Variants in SYN1 observed in about 807,000 individuals in gnomAD.
The protein encoded by SYN1 is synapsin I.
Under a neutral mutation model 44.6 loss-of-function variants are expected in SYN1, and 8 were observed. That is an observed-to-expected ratio of 0.18 (90% CI 0.11 to 0.32). SYN1 has a LOEUF of 0.32. SYN1 is among the 10% of genes least tolerant of loss of function. SYN1 has a pLI of 1.00. For missense variants in SYN1, 451 were observed against 639.4 expected (o/e 0.71, Z 3.18); for synonymous variants, 275 against 280.1 (o/e 0.98, Z 0.18).
At chrX:47,578,245 C>G (rs914681301) in intron 5 of SYN1, among the ~76,000 whole-genome samples, 5 of 110,769 alleles carry the variant, frequency 4.5e-5, no homozygotes, top group African/African-American at 1.6e-4. Flanking sequence ...GGAACACACA[C>G]AACACAAAAG....
intron 5 of SYN1, among the ~76,000 whole-genome samples, chrX:47,592,299 C>G (rs750749934): frequency 4.4e-4 from 48 of 110,175 alleles, no homozygotes; most frequent in Admixed American, 6.9e-4. Flanking sequence ...AATCATGCCA[C>G]TGCACTCCGG....
rs895517774 is a variant in SYN1, at chrX:47,574,771, G to C, written c.1310C>G (p.Pro437Arg). The C allele has an allele frequency of 8.4e-7, 1 of 1,184,180 alleles. No homozygotes were observed. Among genetic ancestry groups the C allele is most frequent in the Non-Finnish European group, 1.1e-6 (1 of 881,224 alleles). Residue 437 changes from proline (P) to arginine (R), a missense_variant, in exon 11 of 13, where the codon CCG becomes CGG. Around this residue, in one of 3 missense-constraint regions of SYN1, gnomAD observed 315 missense variants for 451.4 expected, o/e 0.70. Coordinates refer to ENST00000295987, the MANE Select transcript of SYN1 (RefSeq NM_006950.3). ...GCCCAAGGGCAGGGCCCCTGGGGAC[G>C]GAGTCTGCGGCAGAGGAATGGAGCA... is the stretch of plus-strand genomic sequence containing the variant. The part of the protein sequence containing the change: ...SPGRGSHGQT[P>R]SPGALPLGRQ...
intron 5 of SYN1, among the ~76,000 whole-genome samples, chrX:47,589,333 C>T (rs2147921271): frequency 9.5e-6 from 1 of 104,985 alleles, no homozygotes; most frequent in East Asian, 3.0e-4. Flanking sequence ...GTGGCTTACG[C>T]CTGTAATCCC....
intron 5 of SYN1, among the ~76,000 whole-genome samples, chrX:47,596,358 A>G (rs934348825): frequency 2.7e-5 from 3 of 112,864 alleles, no homozygotes; most frequent in Non-Finnish European, 3.7e-5. Context: ...TTATCAGTCC[A>G]TTATTAGGCT....
At chrX:47,574,624 A>G (rs1477103414) in intron 11 of SYN1, 34 bp from the exon 12 acceptor site, 4 of 1,120,075 alleles carry the variant, frequency 3.6e-6, no homozygotes, top group Admixed American at 5.4e-5. Flanking sequence ...AGCACACGTG[A>G]GAGTGAGCGG....
intron 5 of SYN1, among the ~76,000 whole-genome samples, chrX:47,580,506 C>CT (rs901197397): frequency 9.1e-6 from 1 of 109,509 alleles, no homozygotes; most frequent in Non-Finnish European, 1.9e-5. Flanking sequence ...TGGCGTGTGC[C>CT]TGTAACCCCA....
At chrX:47,610,911 A>G (rs1024866762) in intron 1 of SYN1, among the ~76,000 whole-genome samples, 1 of 111,418 alleles carries the variant, frequency 9.0e-6, no homozygotes, top group Non-Finnish European at 1.9e-5. Flanking sequence ...GATACACTCA[A>G]CTTATGAAAT....
At chrX:47,586,161 T>C in intron 5 of SYN1, 1 of 947,373 alleles carries the variant, frequency 1.1e-6, no homozygotes, top group Non-Finnish European at 1.3e-6. Context: ...CCAGTGACTA[T>C]CTTGAAGCCC....
rs1197131143 is a variant in SYN1, at chrX:47,619,645, C to A, written c.84G>T (p.Pro28=). 3 of 1,158,998 alleles carry A rather than the reference C, an allele frequency of 2.6e-6. No individual in the cohort carries two copies. Residue 28 remains proline, a synonymous_variant, in exon 1 of 13, where the codon CCG becomes CCT. Transcript: ENST00000295987. ...PNGYMTDLQR[P]QPPPPPPGAH... ...CACCGGGCGGCGGTGGGGGCGGCTGCGGACGCTGCAGGTCTGTCATGTACC... is the reference window on the plus strand; with the variant it reads ...CACCGGGCGGCGGTGGGGGCGGCTGAGGACGCTGCAGGTCTGTCATGTACC...
At chrX:47,586,633 G>A in intron 5 of SYN1, 1 of 1,211,782 alleles carries the variant, frequency 8.3e-7, no homozygotes, top group Non-Finnish European at 1.1e-6. Context: ...CACCTTGCCT[G>A]CCTGCCTCGG....
intron 1 of SYN1, among the ~76,000 whole-genome samples, chrX:47,611,008 C>T (rs997367590): frequency 9.0e-6 from 1 of 111,104 alleles, no homozygotes; most frequent in Non-Finnish European, 1.9e-5. Context: ...TGGCCCAGGT[C>T]CTGCTTACAG....
intron 5 of SYN1, chrX:47,586,452 G>A (rs1032375869): frequency 7.0e-5 from 82 of 1,170,712 alleles, no homozygotes; most frequent in Non-Finnish European, 8.5e-5. Context: ...GAAAGCTGAG[G>A]AGAGGAAGTT....
At position 47,572,305 on chromosome X, in the gene SYN1, G is replaced by A. The variant is rs2147911217; in HGVS notation, c.*559C>T. ...CCCAAGGTATTGAATGAGGTTGAGGGGAGCTGGTGAAGGGAAATCCTTGTG... is the reference window on the plus strand; with the variant it reads ...CCCAAGGTATTGAATGAGGTTGAGGAGAGCTGGTGAAGGGAAATCCTTGTG... On this transcript the variant is annotated 3_prime_UTR_variant, in exon 13 of 13. Coordinates refer to ENST00000295987, the MANE Select transcript of SYN1 (RefSeq NM_006950.3). 8.7e-6 allele frequency: 1 copy of A among 114,677 alleles called. No homozygotes were observed. The highest frequency in any genetic ancestry group is 8.9e-5 in the Admixed American group (1 of 11,204). The allele number at this position is 114,677 out of a possible 1,213,427, so 9.5% of individuals were successfully genotyped here.
chrX:47,593,043 T>C (rs112605001), intron 5 of SYN1, among the ~76,000 whole-genome samples: 6,372 of 107,994 alleles, frequency 0.059, 516 homozygotes, highest in African/African-American at 0.21. Flanking sequence ...TCTGGCTAAT[T>C]TTGTGTTTTT....
intron 5 of SYN1, among the ~76,000 whole-genome samples, chrX:47,598,117 C>T (rs2057869038): frequency 8.9e-6 from 1 of 112,129 alleles, no homozygotes; most frequent in Non-Finnish European, 1.9e-5. Context: ...AAGTTAACTA[C>T]ATAGGTAAAT....
intron 5 of SYN1, among the ~76,000 whole-genome samples, chrX:47,597,152 G>A (rs895180156): frequency 1.8e-5 from 2 of 109,746 alleles, no homozygotes; most frequent in African/African-American, 3.3e-5. Context: ...TGGCCAATAC[G>A]GTGAAACCCC....
chrX:47,619,747 G>C lies in SYN1; in HGVS notation c.-19C>G, dbSNP rs970890291. On this transcript the variant is annotated 5_prime_UTR_variant, in exon 1 of 13. Coordinates refer to ENST00000295987, the MANE Select transcript of SYN1 (RefSeq NM_006950.3). Reference sequence around the variant, plus strand: ...AGTTCATGGCTGCGACTTGGGGCAGGGGGTCCTAGGGGTGGTCTGGCCAGG... The same window carrying C: ...AGTTCATGGCTGCGACTTGGGGCAGCGGGTCCTAGGGGTGGTCTGGCCAGG... 5 of 1,156,129 alleles carry C rather than the reference G, an allele frequency of 4.3e-6. No homozygotes were observed. The highest frequency in any genetic ancestry group is 5.8e-6 in the Non-Finnish European group (5 of 866,827).
intron 5 of SYN1, chrX:47,586,157 A>ACTATCTTGAAGCCCCACTGG: frequency 1.1e-6 from 1 of 944,899 alleles, no homozygotes; most frequent in South Asian, 2.7e-5. Flanking sequence ...GAGCCCAGTG[A>ACTATCTTGAAGCCCCACTGG]CTATCTTGAA....
intron 1 of SYN1, among the ~76,000 whole-genome samples, chrX:47,611,178 A>G (rs1172386172): frequency 1.8e-5 from 2 of 112,230 alleles, no homozygotes; most frequent in Non-Finnish European, 3.8e-5. Flanking sequence ...AGAAGCTTCT[A>G]AAATGGCGCA....
Sources: gnomAD v4.1 joint callset for allele counts (sites outside exome capture counted in the v4.1 genomes callset) on GRCh38, gnomAD v4.1.1 for gene constraint, gnomAD v4.1.1 regional missense constraint, MANE v1.5 for transcripts, NCBI Gene and HGNC (gene_info 2026-07-23, HGNC 2026-07-21) for gene names.